ASB18: variants seen among roughly 807,000 people sequenced by gnomAD.
ASB18 encodes the protein ankyrin repeat and SOCS box containing 18.
A neutral mutation model predicts 33.4 loss-of-function variants in ASB18; 33 were observed. That is an observed-to-expected ratio of 0.99 (90% CI 0.75 to 1.32). The LOEUF (loss-of-function observed/expected upper bound fraction) is 1.32, where lower values mean the gene tolerates loss of function less well. ASB18 is among the 40% of genes most tolerant of loss of function. The pLI is 0.00. For synonymous variants in ASB18, 295 were observed against 307.6 expected (o/e 0.96, Z 0.43); for missense variants, 694 against 655.5 (o/e 1.06, Z -0.64).
rs1229053756 is a variant in ASB18 at position 236,209,274 on chromosome 2, T to C, written c.1101+5088A>G. Among the ~76,000 whole-genome samples, 2 of 89,748 alleles carry C rather than the reference T, an allele frequency of 2.2e-5. No homozygotes were observed. The highest frequency in any genetic ancestry group is 1.0e-4 in the Admixed American group (1 of 10,010). 58.9% of individuals were successfully genotyped at this position (89,748 alleles called of 152,430 possible). A position where few individuals can be genotyped will look rare whatever the true frequency, so the allele number is the denominator to read the frequency against. On this transcript the variant is annotated intron_variant, in intron 4 of 5. Transcript: ENST00000409749. This position sits in a 1 kb window ranked among gnomAD's most constrained non-coding sequence, Gnocchi z 4.4. ...ATTTGCAGATGTTTCTAGAATCTGCTTTTTTTTTTTTTTTTTAAGACAAGG... is the reference window on the plus strand; with the variant it reads ...ATTTGCAGATGTTTCTAGAATCTGCCTTTTTTTTTTTTTTTTAAGACAAGG...
Position 236,244,849 on chromosome 2 carries a change from G to T in ASB18, c.206-3447C>A, listed in dbSNP as rs1303608162. 6.6e-6 allele frequency among the ~76,000 whole-genome samples: 1 copy of T among 152,198 alleles called. No individual in the cohort carries two copies. The highest frequency in any genetic ancestry group is 2.4e-5 in the African/African-American group (1 of 41,446). On this transcript the variant is annotated intron_variant, in intron 1 of 5. Transcript: ENST00000409749. The surrounding 1 kb of genome is among the most constrained non-coding windows in gnomAD (Gnocchi z 6.1). ...TTGATATAGATGTGTTTTGACCCTT[G>T]TTGTAGAACCCTTGTTCTGACCCCT...
chr2:236,236,362 G>A (rs1351609172), intron 3 of ASB18, among the ~76,000 whole-genome samples: 4 of 152,168 alleles, frequency 2.6e-5, no homozygotes, highest in African/African-American at 9.7e-5. Flanking sequence ...TGCTAGGGAT[G>A]GAGAGTGAGA....
chr2:236,237,380 GCGGGGCGGGGGCCGGGGC>G lies in ASB18; in HGVS notation c.596+291_596+308del, dbSNP rs2060598372. 6.6e-5 allele frequency among the ~76,000 whole-genome samples: 4 copies of G among 61,016 alleles called. No individual in the cohort carries two copies. The highest frequency in any genetic ancestry group is 4.3e-4 in the African/African-American group (3 of 7,038). The allele number at this position is 61,016 out of a possible 152,430, so 40.0% of individuals were successfully genotyped here. ...GCGGGGCGGGGGCCGGGGCCGGGGC[GCGGGGCGGGGGCCGGGGC>G]CGGGGCGCGGGGCGGGGGCCGGGGC... On this transcript the variant is annotated intron_variant, in intron 3 of 5. Coordinates refer to ENST00000409749, the MANE Select transcript of ASB18 (RefSeq NM_212556.4). The surrounding 1 kb of genome is among the most constrained non-coding windows in gnomAD (Gnocchi z 6.2).
rs1295806413 is a variant in ASB18 at position 236,209,819 on chromosome 2, G to GC, written c.1101+4542dup. On this transcript the variant is annotated intron_variant, in intron 4 of 5. Transcript: ENST00000409749. The surrounding 1 kb of genome is among the most constrained non-coding windows in gnomAD (Gnocchi z 4.4). ...GCCTGGCTGCCTAGTCTCAACTGGTGCCCCCTAGCTGTTTCCTCTCCAACG... is the reference window on the plus strand; with the variant it reads ...GCCTGGCTGCCTAGTCTCAACTGGTGCCCCCCTAGCTGTTTCCTCTCCAACG... Among the ~76,000 whole-genome samples, 1 of 152,218 alleles carries GC rather than the reference G, an allele frequency of 6.6e-6. No individual in the cohort carries two copies. The highest frequency in any genetic ancestry group is 1.5e-5 in the Non-Finnish European group (1 of 68,038).
chr2:236,255,468 G>A lies in ASB18; in HGVS notation c.205+8673C>T, dbSNP rs1435885979. On this transcript the variant is annotated intron_variant, in intron 1 of 5. Coordinates refer to ENST00000409749, the MANE Select transcript of ASB18 (RefSeq NM_212556.4). This position sits in a 1 kb window ranked among gnomAD's most constrained non-coding sequence, Gnocchi z 4.4. ...CTGGTATTTCTTTATCACAATGCGA[G>A]AACGGACTAACACAGTGGGGAGATG... Among the ~76,000 whole-genome samples, 1 of 152,138 alleles carries A rather than the reference G, an allele frequency of 6.6e-6. No individual in the cohort carries two copies. The highest frequency in any genetic ancestry group is 1.5e-5 in the Non-Finnish European group (1 of 68,024).
chr2:236,215,005 G>T lies in ASB18; in HGVS notation c.597-139C>A, dbSNP rs2106269193. 78 of 297,202 alleles carry T rather than the reference G, an allele frequency of 2.6e-4. No individual in the cohort carries two copies. The highest frequency in any genetic ancestry group is 3.1e-4 in the Non-Finnish European group (59 of 189,986). The allele number at this position is 297,202 out of a possible 1,614,324, so 18.4% of individuals were successfully genotyped here. ...GCTCTCCCATACCAAGGCGTCAGGA[G>T]TTCAAACTAAACTGGAAAAAAAAAA... is the stretch of plus-strand genomic sequence containing the variant. On this transcript the variant is annotated intron_variant, in intron 3 of 5. Transcript: ENST00000409749. This position sits in a 1 kb window ranked among gnomAD's most constrained non-coding sequence, Gnocchi z 7.2.
rs1423705104 is a variant in ASB18 at position 236,234,832 on chromosome 2, G to A, written c.596+2857C>T. Among the ~76,000 whole-genome samples, 1 of 152,114 alleles carries A rather than the reference G, an allele frequency of 6.6e-6. No homozygotes were observed. The highest frequency in any genetic ancestry group is 1.5e-5 in the Non-Finnish European group (1 of 68,016). ...ACTTAAATGTAAAATGTAAAGTTATGAAATTTCTAGAAGAAAATATAAGAG... is the reference window on the plus strand; with the variant it reads ...ACTTAAATGTAAAATGTAAAGTTATAAAATTTCTAGAAGAAAATATAAGAG... On this transcript the variant is annotated intron_variant, in intron 3 of 5. Transcript: ENST00000409749. This position sits in a 1 kb window ranked among gnomAD's most constrained non-coding sequence, Gnocchi z 4.1.
Position 236,250,823 on chromosome 2 carries a change from C to A in ASB18, c.206-9421G>T, listed in dbSNP as rs527884630. On this transcript the variant is annotated intron_variant, in intron 1 of 5. Transcript: ENST00000409749. This position sits in a 1 kb window ranked among gnomAD's most constrained non-coding sequence, Gnocchi z 4.1. The stretch of plus-strand genomic sequence containing the variant: ...TTTAAGAGTTCCAGGACACATCCAT[C>A]CACCAGAGTTAGTCACATAGACATT... The A allele has an allele frequency of 1.3e-5, 2 of 152,322 alleles. No homozygotes were observed. The highest frequency in any genetic ancestry group is 4.1e-4 in the South Asian group (2 of 4,824). 9.4% of individuals were successfully genotyped at this position (152,322 alleles called of 1,614,324 possible). A position where few individuals can be genotyped will look rare whatever the true frequency, so the allele number is the denominator to read the frequency against.
intron 1 of ASB18, among the ~76,000 whole-genome samples, chr2:236,242,348 GCGAA>G (rs2060625011): frequency 2.6e-5 from 4 of 152,166 alleles, no homozygotes; most frequent in African/African-American, 9.7e-5. Flanking sequence ...CTTTCTCCAA[GCGAA>G]GGCGGTGCCA....
Position 236,239,034 on chromosome 2 carries a change from C to T in ASB18, c.329-1078G>A, listed in dbSNP as rs997486075. 1.3e-5 allele frequency among the ~76,000 whole-genome samples: 2 copies of T among 152,166 alleles called. No homozygotes were observed. Among genetic ancestry groups the T allele is most frequent in the Admixed American group, 1.3e-4 (2 of 15,284 alleles). ...AGTGGGGGAAGGGGGGCCTGTGGGA[C>T]TGGCATGGAATGGTGGTGGCCAGAG... On this transcript the variant is annotated intron_variant, in intron 2 of 5. Transcript: ENST00000409749. The surrounding 1 kb of genome is among the most constrained non-coding windows in gnomAD (Gnocchi z 5.6).
Position 236,214,500 on chromosome 2 carries a change from CGCGCCCGCGTCG to C in ASB18, c.951_962del (p.Asp318_Ala321del). The C allele has an allele frequency of 6.7e-7, 1 of 1,496,480 alleles. No individual in the cohort carries two copies. The highest frequency in any genetic ancestry group is 8.8e-7 in the Non-Finnish European group (1 of 1,132,114). 92.7% of individuals were successfully genotyped at this position (1,496,480 alleles called of 1,614,324 possible). On this transcript the variant is annotated inframe_deletion, in exon 4 of 6. Transcript: ENST00000409749. This position sits in a 1 kb window ranked among gnomAD's most constrained non-coding sequence, Gnocchi z 6.5. ...GCGGCGAGGCCCCGCCATAGTCGAGCGCGCCCGCGTCGGCGCCGTGCCGCAGTAGGAGGCGCG... is the reference window on the plus strand; with the variant it reads ...GCGGCGAGGCCCCGCCATAGTCGAGCGCGCCGTGCCGCAGTAGGAGGCGCG...
In ASB18 at chr2:236,231,873, A is replaced by G. The variant is rs2060567897; in HGVS notation, c.596+5816T>C. 6.6e-6 allele frequency among the ~76,000 whole-genome samples: 1 copy of G among 152,268 alleles called. No homozygotes were observed. The highest frequency in any genetic ancestry group is 2.4e-5 in the African/African-American group (1 of 41,474). On this transcript the variant is annotated intron_variant, in intron 3 of 5. Transcript: ENST00000409749. The surrounding 1 kb of genome is among the most constrained non-coding windows in gnomAD (Gnocchi z 5.5). The stretch of plus-strand genomic sequence containing the variant: ...AATTACTTGAAACAAAAACTGACAG[A>G]ACTGCAAAGAGAAACAGACAAATCC...
chr2:236,197,448 T>G (rs1445147092), intron 4 of ASB18, among the ~76,000 whole-genome samples: 2 of 152,230 alleles, frequency 1.3e-5, no homozygotes, highest in Non-Finnish European at 2.9e-5. Context: ...CATTTCTCAC[T>G]GTGGGGCTTT....
chr2:236,217,424 A>AAAATAAAAAT lies in ASB18; in HGVS notation c.597-2559_597-2558insATTTTTATTT, dbSNP rs2060493267. ...CGAGACTCTGTCTCAAAAAAAAAAA[A>AAAATAAAAAT]AAATAAATCTTGGCACCTTCAACTC... On this transcript the variant is annotated intron_variant, in intron 3 of 5. Coordinates refer to ENST00000409749, the MANE Select transcript of ASB18 (RefSeq NM_212556.4). The surrounding 1 kb of genome is among the most constrained non-coding windows in gnomAD (Gnocchi z 5.2). Among the ~76,000 whole-genome samples the AAAATAAAAAT allele has an allele frequency of 2.0e-5, 3 of 150,306 alleles. No homozygotes were observed. Among genetic ancestry groups the AAAATAAAAAT allele is most frequent in the African/African-American group, 7.4e-5 (3 of 40,404 alleles).
At position 236,237,933 on chromosome 2, in the gene ASB18, G is replaced by T. The variant is rs904219804; in HGVS notation, c.352C>A (p.Arg118Ser). The change falls in exon 3 of 6, where the codon CGT becomes AGT. Residue 118 changes from arginine to serine, a missense_variant. Arg to Ser is a moderately radical substitution (Grantham distance 110, BLOSUM62 -1). Transcript: ENST00000409749. The surrounding 1 kb of genome is among the most constrained non-coding windows in gnomAD (Gnocchi z 6.2). ...ATGCACAGGGGCGTGGTGAGCTCAC[G>T]CTTGTACTCCAGGGTCCAGAGGCCT... The part of the protein sequence containing the change: ...LSGLWTLEYK[R>S]ELTTPLCIAA... 3 of 1,505,930 alleles carry T rather than the reference G, an allele frequency of 2.0e-6. No individual in the cohort carries two copies. Among genetic ancestry groups the T allele is most frequent in the Non-Finnish European group, 2.6e-6 (3 of 1,133,488 alleles). 93.3% of individuals were successfully genotyped at this position (1,505,930 alleles called of 1,614,324 possible). A position where few individuals can be genotyped will look rare whatever the true frequency, so the allele number is the denominator to read the frequency against.
Position 236,208,747 on chromosome 2 carries a change from C to T in ASB18, c.1101+5615G>A, listed in dbSNP as rs752111610. Reference sequence around the variant, plus strand: ...CTCCCCGTCCTCTGCATCGTGCCCCCTCATGTTTGCCAGGCAGCTGGCTGC... The same window carrying T: ...CTCCCCGTCCTCTGCATCGTGCCCCTTCATGTTTGCCAGGCAGCTGGCTGC... On this transcript the variant is annotated intron_variant, in intron 4 of 5. Transcript: ENST00000409749. This position sits in a 1 kb window ranked among gnomAD's most constrained non-coding sequence, Gnocchi z 7.7. Among the ~76,000 whole-genome samples, 30 of 152,208 alleles carry T rather than the reference C, an allele frequency of 2.0e-4. 1 individual carries two copies. Among genetic ancestry groups the T allele is most frequent in the Non-Finnish European group, 4.0e-4 (27 of 68,046 alleles).
rs1011099664 is a variant in ASB18 at position 236,234,166 on chromosome 2, C to T, written c.596+3523G>A. Among the ~76,000 whole-genome samples, 4 of 152,174 alleles carry T rather than the reference C, an allele frequency of 2.6e-5. No individual in the cohort carries two copies. The highest frequency in any genetic ancestry group is 4.8e-5 in the African/African-American group (2 of 41,452). On this transcript the variant is annotated intron_variant, in intron 3 of 5. Transcript: ENST00000409749. This position sits in a 1 kb window ranked among gnomAD's most constrained non-coding sequence, Gnocchi z 4.1. The stretch of plus-strand genomic sequence containing the variant: ...AAAACTGGAACCACTACTGAATCTA[C>T]GTCTTGGTAGAACACCTGGATACTC...
chr2:236,215,362 T>G lies in ASB18; in HGVS notation c.597-496A>C, dbSNP rs140323211. Among the ~76,000 whole-genome samples the G allele has an allele frequency of 1.3e-5, 2 of 152,120 alleles. No individual in the cohort carries two copies. The highest frequency in any genetic ancestry group is 1.3e-4 in the Admixed American group (2 of 15,284). ...CTTGCCTTGCACCACGAAGGGACTT[T>G]CCCCATCCCTCAGGACACTGACTCA... On this transcript the variant is annotated intron_variant, in intron 3 of 5. Transcript: ENST00000409749. The surrounding 1 kb of genome is among the most constrained non-coding windows in gnomAD (Gnocchi z 7.2).
intron 4 of ASB18, among the ~76,000 whole-genome samples, chr2:236,198,223 T>C (rs1043781383): frequency 6.6e-6 from 1 of 152,202 alleles, no homozygotes; most frequent in African/African-American, 2.4e-5. Context: ...GTAACTACTA[T>C]TAACATTTTG....
Sources: gnomAD v4.1 joint callset for allele counts (sites outside exome capture counted in the v4.1 genomes callset) on GRCh38, gnomAD v4.1.1 for gene constraint, Gnocchi (gnomAD v3.1) non-coding constraint, MANE v1.5 for transcripts, NCBI Gene and HGNC (gene_info 2026-07-23, HGNC 2026-07-21) for gene names.